EXOC6B: variants seen among roughly 807,000 people sequenced by gnomAD.
EXOC6B encodes exocyst complex component 6B.
Under a neutral mutation model 113.5 loss-of-function variants are expected in EXOC6B, and 54 were observed. The ratio of observed to expected loss-of-function variants is 0.48; its 90% CI spans 0.38 to 0.60. The LOEUF is 0.60. EXOC6B is among the 20% of genes least tolerant of loss of function. The pLI is 0.00. For synonymous variants in EXOC6B, 357 were observed against 339.0 expected (o/e 1.05, Z -0.58); for missense variants, 797 against 977.5 (o/e 0.82, Z 2.46).
intron 6 of EXOC6B, among the ~76,000 whole-genome samples, chr2:72,660,264 G>A (rs1469090606): frequency 2.0e-5 from 3 of 151,706 alleles, no homozygotes; most frequent in Admixed American, 2.0e-4. Context: ...AATACTTATT[G>A]TACATATTTC....
intron 17 of EXOC6B, among the ~76,000 whole-genome samples, chr2:72,475,466 G>A (rs1353246076): frequency 6.6e-6 from 1 of 152,130 alleles, no homozygotes. Context: ...AGTCATGTGG[G>A]TAGGCCCGAC....
At chr2:72,626,821 T>C (rs1430450188) in intron 6 of EXOC6B, among the ~76,000 whole-genome samples, 1 of 151,834 alleles carries the variant, frequency 6.6e-6, no homozygotes, top group East Asian at 1.9e-4. Flanking sequence ...CTTTTTTGTT[T>C]TTATATTGTT....
At chr2:72,492,128 T>C (rs1479448518) in intron 16 of EXOC6B, among the ~76,000 whole-genome samples, 190 bp downstream of exon 16, 2 of 152,266 alleles carry the variant, frequency 1.3e-5, no homozygotes, top group African/African-American at 4.8e-5. Context: ...ACGACTTTTT[T>C]AGAAAAAAAT....
intron 20 of EXOC6B, among the ~76,000 whole-genome samples, chr2:72,187,148 C>T (rs1259464317): frequency 6.6e-6 from 1 of 152,132 alleles, no homozygotes; most frequent in Non-Finnish European, 1.5e-5. Flanking sequence ...AGGTGCACTG[C>T]ATGCAGCTTT....
intron 8 of EXOC6B, among the ~76,000 whole-genome samples, chr2:72,541,337 G>C (rs552687354): frequency 6.6e-6 from 1 of 152,072 alleles, no homozygotes; most frequent in Non-Finnish European, 1.5e-5. Context: ...ATGTGAAAAA[G>C]GACTAATACA....
intron 18 of EXOC6B, among the ~76,000 whole-genome samples, chr2:72,440,072 G>A (rs924213161): frequency 2.0e-5 from 3 of 152,104 alleles, no homozygotes; most frequent in Non-Finnish European, 4.4e-5. Flanking sequence ...TACCAGGGAG[G>A]TATGGACCTG....
chr2:72,656,070 A>T (rs1420360600), intron 6 of EXOC6B, among the ~76,000 whole-genome samples: 1 of 152,150 alleles, frequency 6.6e-6, no homozygotes, highest in African/African-American at 2.4e-5. Flanking sequence ...ATAAAAAAAT[A>T]AATAGACTAA....
chr2:72,305,260 G>C (rs1686765468), intron 20 of EXOC6B, among the ~76,000 whole-genome samples: 1 of 152,116 alleles, frequency 6.6e-6, no homozygotes, highest in Admixed American at 6.5e-5. Flanking sequence ...TCTGAGGCTA[G>C]AGGGGAAACT....
Position 72,515,045 on chromosome 2 carries a change from T to C in EXOC6B, c.997A>G (p.Met333Val), listed in dbSNP as rs756720892. 3 of 1,602,418 alleles carry C rather than the reference T, an allele frequency of 1.9e-6. No individual in the cohort carries two copies. The highest frequency in any genetic ancestry group is 2.7e-5 in the African/African-American group (2 of 74,714). Residue 333 changes from methionine to valine, a missense_variant and splice_region_variant, in exon 9 of 22, where the codon ATG becomes GTG. Transcript: ENST00000272427. ...ARLVLQPPSNMHETLDGYRKY... is the reference protein window; with the variant it reads ...ARLVLQPPSNVHETLDGYRKY... Reference sequence around the variant, plus strand: ...AAAAGTGAAGATGGTAATCCTACCATGTTAGATGGAGGTTGAAGTACCAAA... The same window carrying C: ...AAAAGTGAAGATGGTAATCCTACCACGTTAGATGGAGGTTGAAGTACCAAA...
chr2:72,317,559 T>TCACACA (rs72124979), intron 20 of EXOC6B, among the ~76,000 whole-genome samples: 3,796 of 140,658 alleles, frequency 0.027, 149 homozygotes, highest in African/African-American at 0.082. Flanking sequence ...TATGAACACA[T>TCACACA]CACACACACA....
intron 1 of EXOC6B, among the ~76,000 whole-genome samples, chr2:72,751,226 T>C (rs906048884): frequency 1.3e-5 from 2 of 152,120 alleles, no homozygotes; most frequent in African/African-American, 2.4e-5. Flanking sequence ...CTATTATACA[T>C]TTTAGAAAGA....
chr2:72,450,248 A>T (rs1027819878), intron 18 of EXOC6B, among the ~76,000 whole-genome samples: 4 of 152,214 alleles, frequency 2.6e-5, no homozygotes, highest in African/African-American at 9.6e-5. Context: ...AAAAAAAAAT[A>T]GTAAAACTCT....
intron 6 of EXOC6B, among the ~76,000 whole-genome samples, chr2:72,707,449 T>C (rs1198083960): frequency 6.6e-6 from 1 of 151,676 alleles, no homozygotes; most frequent in Non-Finnish European, 1.5e-5. Flanking sequence ...AGTCTTGCTC[T>C]GTCACCCAGG....
At chr2:72,198,860 G>T (rs1341492985) in intron 20 of EXOC6B, among the ~76,000 whole-genome samples, 1 of 152,162 alleles carries the variant, frequency 6.6e-6, no homozygotes, top group African/African-American at 2.4e-5. Context: ...ACTAATCTGG[G>T]GTGCATGGGT....
chr2:72,492,918 T>A lies in EXOC6B; in HGVS notation c.1554-489A>T, dbSNP rs180694197. Reference sequence around the variant, plus strand: ...AATTAGGGTTCTCAAAATCTTGAATTTCTTGTTTGATGCCTTTCATTATTT... The same window carrying A: ...AATTAGGGTTCTCAAAATCTTGAATATCTTGTTTGATGCCTTTCATTATTT... On this transcript the variant is annotated intron_variant, in intron 15 of 21. Coordinates refer to ENST00000272427, the MANE Select transcript of EXOC6B (RefSeq NM_015189.3). 1.1e-3 allele frequency among the ~76,000 whole-genome samples: 164 copies of A among 152,286 alleles called. 1 individual carries two copies. The highest frequency in any genetic ancestry group is 3.7e-3 in the African/African-American group (154 of 41,566).
At chr2:72,393,073 T>A (rs1692488492) in intron 18 of EXOC6B, among the ~76,000 whole-genome samples, 1 of 151,890 alleles carries the variant, frequency 6.6e-6, no homozygotes. Flanking sequence ...AGGTTTGGTT[T>A]TTTTGTTTGT....
chr2:72,590,503 A>G (rs1437889250), intron 6 of EXOC6B, among the ~76,000 whole-genome samples: 2 of 151,990 alleles, frequency 1.3e-5, no homozygotes, highest in Non-Finnish European at 2.9e-5. Flanking sequence ...AAAATGGCAA[A>G]AAACTAAGGA....
At chr2:72,244,559 G>A (rs1682535575) in intron 20 of EXOC6B, among the ~76,000 whole-genome samples, 1 of 151,580 alleles carries the variant, frequency 6.6e-6, no homozygotes, top group Non-Finnish European at 1.5e-5. Context: ...TAAAAATTAG[G>A]GCAGAAACCA....
intron 6 of EXOC6B, among the ~76,000 whole-genome samples, chr2:72,710,186 G>C (rs1679184453): frequency 6.6e-6 from 1 of 151,998 alleles, no homozygotes; most frequent in Non-Finnish European, 1.5e-5. Context: ...CTTTAAACTA[G>C]ATTTTAAAAA....
Sources: gnomAD v4.1 joint callset for allele counts (sites outside exome capture counted in the v4.1 genomes callset) on GRCh38, gnomAD v4.1.1 for gene constraint, MANE v1.5 for transcripts, NCBI Gene and HGNC (gene_info 2026-07-23, HGNC 2026-07-21) for gene names.